COL24A1: variants seen among roughly 807,000 people sequenced by gnomAD.
The protein encoded by COL24A1 is collagen type XXIV alpha 1 chain, also known as collagen alpha-1(XXIV) chain.
Under a neutral mutation model 253.9 loss-of-function variants are expected in COL24A1, and 224 were observed. The ratio of observed to expected loss-of-function variants is 0.88; its 90% CI spans 0.79 to 0.99. The LOEUF is 0.99. Among genes scored for constraint, COL24A1 ranks in the 50% least tolerant of loss-of-function variants. The probability of loss-of-function intolerance (pLI) is 0.00; values close to 1 mark genes in which losing one functional copy is unlikely to be tolerated. For synonymous variants in COL24A1, 685 were observed against 673.7 expected (o/e 1.02, Z -0.26); for missense variants, 2,131 against 2,068.5 (o/e 1.03, Z -0.59).
chr1:86,035,599 T>C (rs767489221), intron 12 of COL24A1, among the ~76,000 whole-genome samples: 1 of 152,086 alleles, frequency 6.6e-6, no homozygotes, highest in African/African-American at 2.4e-5. Context: ...TGATTCCTAA[T>C]GAGTACAGGA....
At chr1:86,043,247 T>C (rs1226575037) in intron 12 of COL24A1, among the ~76,000 whole-genome samples, 2 of 152,144 alleles carry the variant, frequency 1.3e-5, no homozygotes, top group African/African-American at 4.8e-5. Flanking sequence ...AGACTGACTA[T>C]ATCGCTCTAC....
chr1:86,075,181 T>C (rs1425580679), intron 7 of COL24A1, among the ~76,000 whole-genome samples: 1 of 151,746 alleles, frequency 6.6e-6, no homozygotes, highest in Non-Finnish European at 1.5e-5. Flanking sequence ...AAGAATCAAA[T>C]AGACACAATA....
At chr1:85,918,372 C>T (rs1015729633) in intron 24 of COL24A1, among the ~76,000 whole-genome samples, 1 of 152,116 alleles carries the variant, frequency 6.6e-6, no homozygotes. Context: ...ATTTCTTACC[C>T]ACCTATTGGT....
At chr1:85,911,775 G>A (rs1227158336) in intron 24 of COL24A1, among the ~76,000 whole-genome samples, 19 of 151,822 alleles carry the variant, frequency 1.3e-4, no homozygotes, top group African/African-American at 4.8e-5. Flanking sequence ...GGATATATTC[G>A]TTTAAGAAAT....
At chr1:85,920,464 G>A (rs753026005) in intron 24 of COL24A1, among the ~76,000 whole-genome samples, 2 of 152,132 alleles carry the variant, frequency 1.3e-5, no homozygotes, top group East Asian at 1.9e-4. Flanking sequence ...TACTATAGAC[G>A]GCTTTGAATA....
At chr1:85,844,125 G>C (rs1048585157) in intron 39 of COL24A1, among the ~76,000 whole-genome samples, 17 of 151,718 alleles carry the variant, frequency 1.1e-4, no homozygotes, top group Admixed American at 7.9e-4. Context: ...AAGAAAGAAA[G>C]AAAGAAAAGA....
chr1:86,152,198 A>G (rs1174646993), intron 1 of COL24A1, among the ~76,000 whole-genome samples: 2 of 152,032 alleles, frequency 1.3e-5, no homozygotes, highest in Non-Finnish European at 2.9e-5. Context: ...TATTAATTCA[A>G]CTCAGGTGGT....
At chr1:86,132,691 T>C (rs538449352) in intron 2 of COL24A1, among the ~76,000 whole-genome samples, 1 of 152,352 alleles carries the variant, frequency 6.6e-6, no homozygotes, top group East Asian at 1.9e-4. Flanking sequence ...TGTGGCATTA[T>C]GTCTGAGGGC....
At chr1:86,095,605 A>G (rs1703838007) in intron 5 of COL24A1, among the ~76,000 whole-genome samples, 1 of 152,076 alleles carries the variant, frequency 6.6e-6, no homozygotes, top group Non-Finnish European at 1.5e-5. Context: ...CTCATTTTGT[A>G]TCAACTGTTG....
At chr1:85,878,182 G>A (rs1349822127) in intron 32 of COL24A1, among the ~76,000 whole-genome samples, 4 of 152,106 alleles carry the variant, frequency 2.6e-5, no homozygotes. Flanking sequence ...TAAATTAATA[G>A]CTTATAAACC....
At chr1:86,026,560 A>T (rs1394893770) in intron 14 of COL24A1, among the ~76,000 whole-genome samples, 2 of 152,170 alleles carry the variant, frequency 1.3e-5, no homozygotes, top group Non-Finnish European at 2.9e-5. Context: ...TTGCCTTCCA[A>T]CATGACTGTA....
intron 7 of COL24A1, among the ~76,000 whole-genome samples, chr1:86,084,749 G>A (rs796260375): frequency 3.5e-4 from 53 of 152,332 alleles, no homozygotes; most frequent in African/African-American, 1.3e-3. Flanking sequence ...ACACAGGGAA[G>A]TTTTCAAAGT....
At chr1:85,876,610 A>T (rs1681194463) in intron 33 of COL24A1, among the ~76,000 whole-genome samples, 1 of 152,204 alleles carries the variant, frequency 6.6e-6, no homozygotes, top group African/African-American at 2.4e-5. Flanking sequence ...GTAAAAGGGC[A>T]ACTTCAGGTC....
At chr1:85,863,726 C>G (rs2102467468) in intron 37 of COL24A1, among the ~76,000 whole-genome samples, 1 of 152,282 alleles carries the variant, frequency 6.6e-6, no homozygotes, top group East Asian at 1.9e-4. Flanking sequence ...ACAACCCCAT[C>G]AACAAGTGGG....
intron 47 of COL24A1, among the ~76,000 whole-genome samples, chr1:85,794,942 T>C (rs999238454): frequency 6.6e-5 from 10 of 152,150 alleles, no homozygotes; most frequent in Admixed American, 1.3e-4. Context: ...AGCAGGAAAG[T>C]GTTGTCAGTT....
intron 47 of COL24A1, among the ~76,000 whole-genome samples, chr1:85,799,903 G>A (rs1455553327): frequency 1.3e-5 from 2 of 152,174 alleles, no homozygotes; most frequent in Non-Finnish European, 2.9e-5. Context: ...GGCAACATTA[G>A]TTACCATTCA....
In COL24A1 at chr1:85,841,291, A is replaced by G. The variant is rs1030802800; in HGVS notation, c.3571-13T>C. ...CTCCTGGGTAGCCCTAAAATGAAAT[A>G]ATGATTTATAAACAAAACTCAATAA... On this transcript the variant is annotated splice_polypyrimidine_tract_variant and intron_variant, in intron 41 of 59. Coordinates refer to ENST00000370571, the MANE Select transcript of COL24A1 (RefSeq NM_152890.7). 2 of 1,577,040 alleles carry G rather than the reference A, an allele frequency of 1.3e-6. No homozygotes were observed. Among genetic ancestry groups the G allele is most frequent in the African/African-American group, 2.7e-5 (2 of 73,286 alleles).
At chr1:85,964,353 G>C (rs1402593300) in intron 23 of COL24A1, among the ~76,000 whole-genome samples, 1 of 152,064 alleles carries the variant, frequency 6.6e-6, no homozygotes, top group Non-Finnish European at 1.5e-5. Flanking sequence ...ATATCATAAA[G>C]TGATGAAGGT....
At chr1:86,044,436 T>C (rs1219852342) in intron 12 of COL24A1, among the ~76,000 whole-genome samples, 1 of 152,174 alleles carries the variant, frequency 6.6e-6, no homozygotes, top group Non-Finnish European at 1.5e-5. Flanking sequence ...ACATATAGCA[T>C]ACATAATATA....
Sources: gnomAD v4.1 joint callset for allele counts (sites outside exome capture counted in the v4.1 genomes callset) on GRCh38, gnomAD v4.1.1 for gene constraint, MANE v1.5 for transcripts, NCBI Gene and HGNC (gene_info 2026-07-23, HGNC 2026-07-21) for gene names.